GRID2: variants seen among roughly 807,000 people sequenced by gnomAD.
GRID2 encodes the protein glutamate receptor ionotropic, delta-2.
In GRID2, 33 loss-of-function variants were observed where a neutral mutation model predicts 114.8. That is an observed-to-expected ratio of 0.29 (90% CI 0.22 to 0.38). The LOEUF is 0.38. GRID2 is among the 10% of genes least tolerant of loss of function. GRID2 has a pLI of 1.00. For synonymous variants in GRID2, 505 were observed against 449.9 expected (o/e 1.12, Z -1.55); for missense variants, 1,184 against 1,257.7 (o/e 0.94, Z 0.89).
intron 2 of GRID2, among the ~76,000 whole-genome samples, chr4:93,048,558 T>G (rs1479867606): frequency 6.6e-6 from 1 of 152,000 alleles, no homozygotes; most frequent in Admixed American, 6.6e-5. Context: ...AACTTTTCCC[T>G]TTTCAAAAAT....
chr4:92,934,908 A>T (rs1008331147), intron 2 of GRID2, among the ~76,000 whole-genome samples: 48 of 146,942 alleles, frequency 3.3e-4, no homozygotes, highest in African/African-American at 1.1e-3. Context: ...TAAAGACTTA[A>T]ACGTTCGACC....
At chr4:93,171,057 T>C (rs751682067) in intron 4 of GRID2, among the ~76,000 whole-genome samples, 3 of 152,168 alleles carry the variant, frequency 2.0e-5, no homozygotes, top group Non-Finnish European at 2.9e-5. Context: ...TAGAATCATC[T>C]TTTAAAAATT....
chr4:93,429,407 G>A (rs1336638929), intron 10 of GRID2, among the ~76,000 whole-genome samples: 1 of 152,228 alleles, frequency 6.6e-6, no homozygotes, highest in Non-Finnish European at 1.5e-5. Context: ...AATGTAGAAA[G>A]ATACATACTT....
At chr4:93,726,399 A>G (rs2110209111) in intron 14 of GRID2, among the ~76,000 whole-genome samples, 1 of 152,154 alleles carries the variant, frequency 6.6e-6, no homozygotes, top group East Asian at 1.9e-4. Context: ...CTTGTAGTAT[A>G]GTTTGAAGTC....
At chr4:93,000,042 A>G (rs927010757) in intron 2 of GRID2, among the ~76,000 whole-genome samples, 1 of 151,704 alleles carries the variant, frequency 6.6e-6, no homozygotes, top group African/African-American at 2.4e-5. Flanking sequence ...TAAATGTAAC[A>G]ATCTCATTGG....
intron 8 of GRID2, among the ~76,000 whole-genome samples, chr4:93,290,484 ACAT>A (rs1206084704): frequency 2.0e-5 from 3 of 152,202 alleles, no homozygotes; most frequent in East Asian, 3.8e-4. Flanking sequence ...TCAGGTGATG[ACAT>A]CAAGTGATTT....
chr4:93,528,430 T>TA (rs1731134972), intron 13 of GRID2, among the ~76,000 whole-genome samples: 1 of 151,756 alleles, frequency 6.6e-6, no homozygotes, highest in Non-Finnish European at 1.5e-5. Flanking sequence ...TTTTTTTTTT[T>TA]ACATTCTCAC....
At chr4:93,681,151 G>T (rs573626637) in intron 14 of GRID2, among the ~76,000 whole-genome samples, 4 of 147,870 alleles carry the variant, frequency 2.7e-5, no homozygotes, top group Non-Finnish European at 6.0e-5. Flanking sequence ...CAAACAGAGC[G>T]AAATCATGAG....
intron 13 of GRID2, among the ~76,000 whole-genome samples, chr4:93,615,733 G>A (rs72670682): frequency 0.05 from 7,455 of 148,458 alleles, 259 homozygotes; most frequent in African/African-American, 0.099. Context: ...TTATTGTTTC[G>A]TAGTAAAAAA....
At chr4:93,002,051 A>T (rs1188361895) in intron 2 of GRID2, among the ~76,000 whole-genome samples, 2 of 151,684 alleles carry the variant, frequency 1.3e-5, no homozygotes, top group Non-Finnish European at 3.0e-5. Flanking sequence ...TAAAATTTTT[A>T]GAACAAGGTG....
chr4:92,684,702 A>G (rs780303422), intron 2 of GRID2, among the ~76,000 whole-genome samples: 4 of 152,066 alleles, frequency 2.6e-5, no homozygotes, highest in Non-Finnish European at 4.4e-5. Flanking sequence ...ATTGCCACAC[A>G]TTACCTGAAG....
intron 1 of GRID2, among the ~76,000 whole-genome samples, chr4:92,395,027 GTAAC>G (rs1452646601): frequency 1.3e-5 from 2 of 151,422 alleles, no homozygotes; most frequent in South Asian, 2.1e-4. Context: ...AATAAACAAA[GTAAC>G]TAACACATTA....
At chr4:93,405,668 A>G (rs1439228239) in intron 9 of GRID2, among the ~76,000 whole-genome samples, 1 of 152,180 alleles carries the variant, frequency 6.6e-6, no homozygotes, top group Non-Finnish European at 1.5e-5. Context: ...ACATTTCACA[A>G]TATTCTAACC....
At chr4:92,417,057 C>T (rs1011093993) in intron 1 of GRID2, among the ~76,000 whole-genome samples, 1 of 151,786 alleles carries the variant, frequency 6.6e-6, no homozygotes, top group Non-Finnish European at 1.5e-5. Flanking sequence ...TCATTTGTGT[C>T]GTCTATGACT....
intron 2 of GRID2, among the ~76,000 whole-genome samples, chr4:93,041,723 A>C (rs1234860278): frequency 1.3e-5 from 2 of 152,154 alleles, no homozygotes; most frequent in Non-Finnish European, 2.9e-5. Context: ...TCCTGAAAAA[A>C]TCACATTTTA....
chr4:92,320,053 G>T (rs1266540071), intron 1 of GRID2, among the ~76,000 whole-genome samples: 1 of 152,138 alleles, frequency 6.6e-6, no homozygotes, highest in African/African-American at 2.4e-5. Context: ...TGAAGTGGGA[G>T]TAAGTACAGA....
chr4:93,042,317 A>ATG, intron 2 of GRID2, among the ~76,000 whole-genome samples: 1 of 137,754 alleles, frequency 7.3e-6, no homozygotes, highest in African/African-American at 2.7e-5. Context: ...ATATATATAT[A>ATG]TACACCTATT....
intron 2 of GRID2, among the ~76,000 whole-genome samples, chr4:92,757,107 C>G (rs952790221): frequency 3.3e-5 from 5 of 151,954 alleles, no homozygotes; most frequent in Admixed American, 3.3e-4. Context: ...GTTTTTAAGT[C>G]ATTTTAGTGG....
chr4:92,440,619 A>G, intron 1 of GRID2, among the ~76,000 whole-genome samples: 1 of 151,926 alleles, frequency 6.6e-6, no homozygotes, highest in Non-Finnish European at 1.5e-5. Flanking sequence ...TCCACGATGG[A>G]AAGGAAATGG....
Sources: allele counts gnomAD v4.1 joint callset (sites outside exome capture counted in the v4.1 genomes callset), GRCh38; gene constraint gnomAD v4.1.1; transcripts MANE v1.5; gene names NCBI Gene and HGNC (gene_info 2026-07-23, HGNC 2026-07-21).